SOS1: variants seen among roughly 807,000 people sequenced by gnomAD.
SOS1 encodes the protein son of sevenless homolog 1.
Under a neutral mutation model 157.6 loss-of-function variants are expected in SOS1, and 25 were observed. That is an observed-to-expected ratio of 0.16 (90% CI 0.12 to 0.22). The LOEUF is 0.22. Ranked by LOEUF, SOS1 falls within the 10% of genes least tolerant of loss-of-function variation. The probability of loss-of-function intolerance (pLI) is 1.00; values close to 1 mark genes in which losing one functional copy is unlikely to be tolerated. For missense variants in SOS1, 1,237 were observed against 1,599.1 expected, an observed-to-expected ratio of 0.77 and a Z score of 3.86; for synonymous variants, 528 against 534.0, an observed-to-expected ratio of 0.99 and a Z score of 0.16.
intron 8 of SOS1, among the ~76,000 whole-genome samples, chr2:39,026,800 C>G (rs1214635302): frequency 6.6e-6 from 1 of 152,142 alleles, no homozygotes; most frequent in East Asian, 1.9e-4. Flanking sequence ...CTGGGCCAAA[C>G]TGGAAGAATT....
intron 8 of SOS1, among the ~76,000 whole-genome samples, chr2:39,028,640 T>G (rs1207035622): frequency 1.3e-5 from 2 of 152,158 alleles, no homozygotes; most frequent in Admixed American, 1.3e-4. Flanking sequence ...CCCAAATAAC[T>G]GAAATGACTT....
chr2:39,012,026 G>T, intron 14 of SOS1, 100 bp downstream of exon 14: 2 of 892,042 alleles, frequency 2.2e-6, no homozygotes, highest in South Asian at 1.4e-5. Context: ...TAATATTTCA[G>T]TTAAGTCTTA....
Position 38,982,397 on chromosome 2 carries a change from G to A in SOS1, c.*3427C>T, listed in dbSNP as rs567118650. 5 of 152,196 alleles carry A rather than the reference G, an allele frequency of 3.3e-5. No homozygotes were observed. Among genetic ancestry groups the A allele is most frequent in the African/African-American group, 1.2e-4 (5 of 41,498 alleles). The allele number at this position is 152,196 out of a possible 1,614,324, so 9.4% of individuals were successfully genotyped here. On this transcript the variant is annotated 3_prime_UTR_variant, in exon 23 of 23. Transcript: ENST00000402219. Reference sequence around the variant, plus strand: ...GTTAGTAATGAGATGTTTCAAAGAAGAAAAATATTGAATAAAGTCATCATG... The same window carrying A: ...GTTAGTAATGAGATGTTTCAAAGAAAAAAAATATTGAATAAAGTCATCATG...
At chr2:39,064,561 C>T (rs906531442) in intron 2 of SOS1, among the ~76,000 whole-genome samples, 1 of 152,066 alleles carries the variant, frequency 6.6e-6, no homozygotes, top group African/African-American at 2.4e-5. Context: ...CCATGCTGTA[C>T]AATAGGGTCT....
At chr2:39,002,191 T>G (rs1159215082) in intron 17 of SOS1, among the ~76,000 whole-genome samples, 1 of 151,076 alleles carries the variant, frequency 6.6e-6, no homozygotes, top group Non-Finnish European at 1.5e-5. Flanking sequence ...CCGGGTGTGG[T>G]GGTGGGTGCC....
At chr2:39,032,040 TTA>T (rs1376859126) in intron 8 of SOS1, among the ~76,000 whole-genome samples, 1 of 152,208 alleles carries the variant, frequency 6.6e-6, no homozygotes, top group Non-Finnish European at 1.5e-5. Context: ...AATCATATGT[TTA>T]TGGTATATAA....
At chr2:39,110,851 A>G (rs548890176) in intron 1 of SOS1, among the ~76,000 whole-genome samples, 1 of 152,376 alleles carries the variant, frequency 6.6e-6, no homozygotes, top group East Asian at 1.9e-4. Context: ...CTATAACCCC[A>G]GCACTTTGGG....
rs1200731855 is a variant in SOS1, at chr2:39,104,886, G to C, written c.87+15450C>G. The stretch of plus-strand genomic sequence containing the variant: ...GGTAAATTGGTAGAGACAGAAAGTA[G>C]ATTAGAAGTTACTAGGGATTGGGAA... On this transcript the variant is annotated intron_variant, in intron 1 of 22. Transcript: ENST00000402219. Among the ~76,000 whole-genome samples the C allele has an allele frequency of 2.0e-5, 3 of 152,284 alleles. No homozygotes were observed. In the East Asian group the frequency reaches 5.8e-4, roughly 29 times the overall value.
chr2:39,031,590 C>T (rs546448811), intron 8 of SOS1, among the ~76,000 whole-genome samples: 117 of 152,144 alleles, frequency 7.7e-4, no homozygotes, highest in African/African-American at 2.8e-3. Context: ...ATTAGCCAGG[C>T]GTAGTGGCGG....
chr2:38,989,464 ACTTTT>A (rs1210385039), intron 20 of SOS1, 150 bp from the exon 21 acceptor site: 8 of 580,670 alleles, frequency 1.4e-5, no homozygotes, highest in Non-Finnish European at 2.5e-5. Context: ...ATTACTACTT[ACTTTT>A]GAGAAGAAAA....
intron 10 of SOS1, among the ~76,000 whole-genome samples, chr2:39,020,602 T>C (rs1425030321): frequency 6.6e-6 from 1 of 151,696 alleles, no homozygotes; most frequent in Non-Finnish European, 1.5e-5. Context: ...AGCAGACCAG[T>C]AGTTCTTAAA....
upstream of SOS1, among the ~76,000 whole-genome samples, chr2:39,122,858 A>C (rs1476173117): frequency 6.6e-6 from 1 of 151,932 alleles, no homozygotes; most frequent in Non-Finnish European, 1.5e-5. Context: ...CTCTTCAAAT[A>C]TTTAAAGGGT....
intron 6 of SOS1, among the ~76,000 whole-genome samples, chr2:39,035,717 A>G (rs780030413): frequency 1.9e-4 from 29 of 152,208 alleles, no homozygotes; most frequent in Non-Finnish European, 7.3e-5. Context: ...TAAAATCCTT[A>G]TATGTTATAA....
At chr2:39,094,781 C>A (rs145652685) in intron 1 of SOS1, among the ~76,000 whole-genome samples, 1 of 152,332 alleles carries the variant, frequency 6.6e-6, no homozygotes, top group African/African-American at 2.4e-5. Context: ...GTAAAAATTT[C>A]TAAGGACTCT....
chr2:39,091,455 C>T (rs1029979983), intron 1 of SOS1, among the ~76,000 whole-genome samples: 3 of 152,080 alleles, frequency 2.0e-5, no homozygotes, highest in East Asian at 1.9e-4. Context: ...TATAAATAAT[C>T]GTCTATAAGC....
intron 1 of SOS1, among the ~76,000 whole-genome samples, chr2:39,119,948 C>A (rs897382695): frequency 6.6e-6 from 1 of 152,142 alleles, no homozygotes; most frequent in Non-Finnish European, 1.5e-5. Flanking sequence ...CTAAAACCAG[C>A]GTACTGGACA....
intron 1 of SOS1, among the ~76,000 whole-genome samples, chr2:39,110,043 T>TGC (rs1322644711): frequency 2.8e-5 from 4 of 143,040 alleles, no homozygotes; most frequent in East Asian, 2.0e-4. Flanking sequence ...TGTGTGCGTG[T>TGC]GTGTGTGTGT....
At chr2:39,046,476 ATTTATTTT>A (rs1205724044) in intron 6 of SOS1, among the ~76,000 whole-genome samples, 53 of 143,742 alleles carry the variant, frequency 3.7e-4, no homozygotes, top group African/African-American at 1.4e-3. Flanking sequence ...TTATTTATTT[ATTTATTTT>A]GAGACAGTGT....
intron 1 of SOS1, among the ~76,000 whole-genome samples, chr2:39,088,660 C>T (rs1572883763): frequency 6.6e-6 from 1 of 152,210 alleles, no homozygotes; most frequent in African/African-American, 2.4e-5. Context: ...GAATTCTATT[C>T]CTTTCTAGGG....
Sources: allele counts gnomAD v4.1 joint callset (sites outside exome capture counted in the v4.1 genomes callset), GRCh38; gene constraint gnomAD v4.1.1; transcripts MANE v1.5; gene names NCBI Gene and HGNC (gene_info 2026-07-23, HGNC 2026-07-21).